Variants in LPAR6 observed in about 807,000 individuals in gnomAD.
LPAR6 encodes lysophosphatidic acid receptor 6, also known as G-protein coupled purinergic receptor P2Y5.
In LPAR6, 17 loss-of-function variants were observed where a neutral mutation model predicts 22.0. That is an observed-to-expected ratio of 0.77 (90% CI 0.53 to 1.16). The LOEUF is 1.16. LPAR6 is among the 50% of genes most tolerant of loss of function. LPAR6 has a pLI of 0.00. For missense variants in LPAR6, 384 were observed against 406.9 expected (o/e 0.94, Z 0.48); for synonymous variants, 136 against 139.8 (o/e 0.97, Z 0.19).
At chr13:48,420,171 C>T (rs1389701411) in intron 2 of LPAR6, among the ~76,000 whole-genome samples, 5 of 152,146 alleles carry the variant, frequency 3.3e-5, no homozygotes, top group Non-Finnish European at 7.4e-5. Flanking sequence ...CATAGCACAT[C>T]AAAAAGCTTA....
chr13:48,440,388 T>G (rs905873571), intron 1 of LPAR6, among the ~76,000 whole-genome samples: 14 of 152,172 alleles, frequency 9.2e-5, no homozygotes, highest in African/African-American at 3.1e-4. Flanking sequence ...ACATCTTTCT[T>G]TTATGTATGA....
intron 1 of LPAR6, among the ~76,000 whole-genome samples, chr13:48,396,484 ACAAAAATTAACT>A: frequency 6.6e-6 from 1 of 152,340 alleles, no homozygotes; most frequent in African/African-American, 2.4e-5. Flanking sequence ...TACACCTTAT[ACAAAAATTAACT>A]CAAAATGGAT....
At chr13:48,431,375 T>C (rs1306954419), upstream of LPAR6, among the ~76,000 whole-genome samples, 3 of 152,228 alleles carry the variant, frequency 2.0e-5, no homozygotes, top group Non-Finnish European at 4.4e-5. Flanking sequence ...TTAAAGCAAG[T>C]ATGCTTAAAA....
At chr13:48,424,895 A>C (rs1057490851) in intron 1 of LPAR6, among the ~76,000 whole-genome samples, 5 of 152,078 alleles carry the variant, frequency 3.3e-5, no homozygotes, top group Non-Finnish European at 5.9e-5. Context: ...TCTACTAAAA[A>C]TACAAAATGT....
chr13:48,439,066 A>T (rs1431682058), intron 1 of LPAR6, among the ~76,000 whole-genome samples: 1 of 152,190 alleles, frequency 6.6e-6, no homozygotes, highest in Non-Finnish European at 1.5e-5. Flanking sequence ...GCAAAGAAAG[A>T]GTGAAAGAGG....
At chr13:48,437,552 T>G (rs1380533376) in intron 1 of LPAR6, among the ~76,000 whole-genome samples, 1 of 152,180 alleles carries the variant, frequency 6.6e-6, no homozygotes, top group Non-Finnish European at 1.5e-5. Flanking sequence ...GTTTAAGGCT[T>G]CACTGGGATT....
At chr13:48,391,622 T>G (rs1948611516) in intron 1 of LPAR6, 1 of 149,432 alleles carries the variant, frequency 6.7e-6, no homozygotes, top group East Asian at 1.9e-4. Context: ...GCATTTCTAT[T>G]TTTTTTTTCT....
chr13:48,414,175 C>A (rs1394078460), upstream of LPAR6, among the ~76,000 whole-genome samples: 2 of 151,900 alleles, frequency 1.3e-5, no homozygotes, highest in Admixed American at 1.3e-4. Flanking sequence ...TGGCGAAACC[C>A]CATCTCTACC....
rs150848334 is a variant in LPAR6 at position 48,397,556 on chromosome 13, T to C, written n.115-7744A>G. Among the ~76,000 whole-genome samples, 1,774 of 152,266 alleles carry C rather than the reference T, an allele frequency of 0.012. 67 individuals are homozygous for C. The East Asian group carries it at 0.12, about 10-fold the overall frequency. On this transcript the variant is annotated intron_variant and non_coding_transcript_variant, in intron 1 of 1. Coordinates refer to the LPAR6 transcript ENST00000462781. Reference sequence around the variant, plus strand: ...ATACCTAATGTAGATGATGGGTTGATAGGTGCAGCAAACCACCATGGCACG... The same window carrying C: ...ATACCTAATGTAGATGATGGGTTGACAGGTGCAGCAAACCACCATGGCACG...
chr13:48,414,515 G>T (rs1948875442), upstream of LPAR6, among the ~76,000 whole-genome samples: 1 of 151,838 alleles, frequency 6.6e-6, no homozygotes, highest in African/African-American at 2.4e-5. Context: ...CTTCAGAAAA[G>T]GCTAGATCTA....
chr13:48,411,858 T>C lies in LPAR6; in HGVS notation c.566A>G (p.Glu189Gly), dbSNP rs1948811764. The part of the protein sequence containing the change: ...TYLSRIVIFI[E>G]IVGFFIPLIL... ...TAGAGGAATAAAAAATCCCACTATT[T>C]CGATGAAAATTACAATCCTTGAGAG... Residue 189 changes from glutamate to glycine, a missense_variant, in exon 1 of 1, where the codon GAA becomes GGA. Coordinates refer to ENST00000620633, the MANE Select transcript of LPAR6 (RefSeq NM_001162498.3). 6.2e-7 allele frequency: 1 copy of C among 1,613,750 alleles called. No homozygotes were observed. Among genetic ancestry groups the C allele is most frequent in the Non-Finnish European group, 8.5e-7 (1 of 1,179,806 alleles).
At chr13:48,425,198 C>T (rs1949062523) in intron 1 of LPAR6, among the ~76,000 whole-genome samples, 1 of 152,198 alleles carries the variant, frequency 6.6e-6, no homozygotes, top group African/African-American at 2.4e-5. Context: ...GAAGGCTAGC[C>T]TTTACAGTTG....
chr13:48,444,400 C>A (rs1949267479), intron 1 of LPAR6, among the ~76,000 whole-genome samples: 1 of 152,108 alleles, frequency 6.6e-6, no homozygotes, highest in Non-Finnish European at 1.5e-5. Flanking sequence ...CCCTGTAGTC[C>A]CAGCTACTCC....
At chr13:48,420,425 A>G (rs1372457329) in intron 2 of LPAR6, among the ~76,000 whole-genome samples, 3 of 152,352 alleles carry the variant, frequency 2.0e-5, no homozygotes, top group East Asian at 1.9e-4. Flanking sequence ...CCCACAGCCA[A>G]TATCATACTG....
chr13:48,440,887 A>G (rs997834440), intron 1 of LPAR6, among the ~76,000 whole-genome samples: 13 of 152,210 alleles, frequency 8.5e-5, no homozygotes, highest in African/African-American at 3.1e-4. Context: ...TCTCATCTGT[A>G]TTGCTAAGAA....
chr13:48,407,725 A>C (rs959222637), downstream of LPAR6, among the ~76,000 whole-genome samples: 1 of 152,166 alleles, frequency 6.6e-6, no homozygotes, highest in African/African-American at 2.4e-5. Context: ...CCATGTTATA[A>C]ATGGGTAATT....
intron 1 of LPAR6, among the ~76,000 whole-genome samples, chr13:48,401,633 T>TA (rs1476321035): frequency 6.6e-6 from 1 of 152,208 alleles, no homozygotes; most frequent in Non-Finnish European, 1.5e-5. Context: ...TTGGTGTTGT[T>TA]ACTAATTTAC....
intron 2 of LPAR6, among the ~76,000 whole-genome samples, chr13:48,418,978 A>G (rs1181337050): frequency 1.3e-5 from 2 of 152,108 alleles, no homozygotes; most frequent in East Asian, 3.9e-4. Flanking sequence ...TGACAGATCA[A>G]TGAGACAGAA....
At chr13:48,408,197 T>C (rs940852049), downstream of LPAR6, among the ~76,000 whole-genome samples, 2 of 152,034 alleles carry the variant, frequency 1.3e-5, no homozygotes, top group Non-Finnish European at 2.9e-5. Context: ...ATTTTGAATG[T>C]AGAATATTAA....
Sources: gnomAD v4.1 joint callset for allele counts (sites outside exome capture counted in the v4.1 genomes callset) on GRCh38, gnomAD v4.1.1 for gene constraint, MANE v1.5 for transcripts, NCBI Gene and HGNC (gene_info 2026-07-23, HGNC 2026-07-21) for gene names.